The following F2 variants were observed in gnomAD, a reference collection of about 807,000 sequenced individuals.
The protein encoded by F2 is prothrombin.
F2 carries 34 observed loss-of-function variants against 81.9 expected under a neutral mutation model. That is an observed-to-expected ratio of 0.42 (90% confidence interval 0.32 to 0.55). The LOEUF (loss-of-function observed/expected upper bound fraction) is 0.55. Ranked by LOEUF, F2 falls within the 20% of genes least tolerant of loss-of-function variation. F2 has a pLI of 0.18. For missense variants in F2, 630 were observed against 833.4 expected, an observed-to-expected ratio of 0.76 and a Z score of 3.00; for synonymous variants, 296 against 326.4, an observed-to-expected ratio of 0.91 and a Z score of 1.01.
intron 9 of F2, among the ~76,000 whole-genome samples, 195 bp from the exon 10 acceptor site, chr11:46,727,801 A>T (rs1449225545): frequency 6.6e-5 from 10 of 152,002 alleles, no homozygotes; most frequent in Non-Finnish European, 1.5e-5. Context: ...ATAAATAAAT[A>T]AAAAAGTGTG....
Position 46,728,067 on chromosome 11 carries a change from T to C in F2, c.1202T>C (p.Val401Ala). ...CGASLISDRW[V>A]LTAAHCLLYP... ...GCCAGCCTCATCAGTGACCGCTGGG[T>C]CCTCACCGCCGCCCACTGCCTCCTG... Residue 401 changes from valine to alanine, a missense_variant, in exon 10 of 14, where the codon GTC becomes GCC. Coordinates refer to ENST00000311907, the MANE Select transcript of F2 (RefSeq NM_000506.5). This position sits in a 1 kb window ranked among gnomAD's most constrained non-coding sequence, Gnocchi z 5.1. The C allele has an allele frequency of 6.2e-7, 1 of 1,610,522 alleles. No homozygotes were observed. Among genetic ancestry groups the C allele is most frequent in the South Asian group, 1.1e-5 (1 of 89,906 alleles).
chr11:46,719,969 A>G lies in F2; in HGVS notation c.240+107A>G. On this transcript the variant is annotated intron_variant, in intron 2 of 13. Transcript: ENST00000311907. The surrounding 1 kb of genome is among the most constrained non-coding windows in gnomAD (Gnocchi z 4.7). ...ACGCCACAGCCCCTTCGCTGCTCAC[A>G]GCCTCATTTCAACTCTGAGCCCCTC... 1 of 1,438,980 alleles carries G rather than the reference A, an allele frequency of 6.9e-7. No individual in the cohort carries two copies. Among genetic ancestry groups the G allele is most frequent in the Non-Finnish European group, 9.4e-7 (1 of 1,061,448 alleles). The allele number at this position is 1,438,980 out of a possible 1,614,324, so 89.1% of individuals were successfully genotyped here. A position where few individuals can be genotyped will look rare whatever the true frequency, so the allele number is the denominator to read the frequency against.
rs995509370 is a variant in F2 at position 46,726,512 on chromosome 11, G to T, written c.889G>T (p.Glu297Ter). 11 of 1,613,958 alleles carry T rather than the reference G, an allele frequency of 6.8e-6. No individual in the cohort carries two copies. Among genetic ancestry groups the T allele is most frequent in the Non-Finnish European group, 7.6e-6 (9 of 1,179,886 alleles). ...GGTCCCAACAGAGGAGGCCGTGGAG[G>T]AGGAGACAGGAGATGGGCTGGATGA... ...DLNYCEEAVE[E>*]ETGDGLDEDS... The change falls in exon 8 of 14, where the codon GAG becomes TAG. Residue 297 changes from glutamate to a stop codon, truncating the protein, a stop_gained. Coordinates refer to ENST00000311907, the MANE Select transcript of F2 (RefSeq NM_000506.5). LOFTEE classifies it high-confidence loss of function. The surrounding 1 kb of genome is among the most constrained non-coding windows in gnomAD (Gnocchi z 5.9).
In F2 at chr11:46,719,239, G is replaced by A. The variant is rs1195889853; in HGVS notation, c.4G>A (p.Ala2Thr). Residue 2 changes from alanine (A) to threonine (T), a missense_variant, in exon 1 of 14, where the codon GCG becomes ACG. Physicochemically the swap from Ala to Thr is moderately conservative, Grantham distance 58 (BLOSUM62 0). Transcript: ENST00000311907. This position sits in a 1 kb window ranked among gnomAD's most constrained non-coding sequence, Gnocchi z 4.7. M[A>T]HVRGLQLPGC... is the part of the protein sequence containing the mutation. Reference sequence around the variant, plus strand: ...GTGACCCAGGAGCTGACACACTATGGCGCACGTCCGAGGCTTGCAGCTGCC... The same window carrying A: ...GTGACCCAGGAGCTGACACACTATGACGCACGTCCGAGGCTTGCAGCTGCC... The A allele has an allele frequency of 1.9e-6, 3 of 1,613,850 alleles. No individual in the cohort carries two copies. Among genetic ancestry groups the A allele is most frequent in the Non-Finnish European group, 1.7e-6 (2 of 1,180,030 alleles).
Position 46,726,304 on chromosome 11 carries a change from G to A in F2, c.874+131G>A. 7.0e-7 allele frequency: 1 copy of A among 1,433,722 alleles called. No individual in the cohort carries two copies. The highest frequency in any genetic ancestry group is 9.5e-7 in the Non-Finnish European group (1 of 1,052,500). The allele number at this position is 1,433,722 out of a possible 1,614,324, so 88.8% of individuals were successfully genotyped here. A position where few individuals can be genotyped will look rare whatever the true frequency, so the allele number is the denominator to read the frequency against. On this transcript the variant is annotated intron_variant, in intron 7 of 13. Transcript: ENST00000311907. The surrounding 1 kb of genome is among the most constrained non-coding windows in gnomAD (Gnocchi z 5.9). ...ACAGCCTTACAGTAACCAGGTGGGG[G>A]GTAAGGTCCTGTGCCCATTTCACAG... is the stretch of plus-strand genomic sequence containing the variant.
At chr11:46,725,732 C>A in intron 6 of F2, 127 bp from the exon 7 acceptor site, 1 of 1,086,130 alleles carries the variant, frequency 9.2e-7, no homozygotes, top group Non-Finnish European at 1.4e-6. Flanking sequence ...GGTCAGAAGC[C>A]CAGAGAGGTT....
In F2 at chr11:46,728,839, TGG is replaced by T. The variant is rs1592415022; in HGVS notation, c.1472+4_1472+5del. 1 of 1,613,608 alleles carries T rather than the reference TGG, an allele frequency of 6.2e-7. No homozygotes were observed. Among genetic ancestry groups the T allele is most frequent in the Middle Eastern group, 1.7e-4 (1 of 5,782 alleles). On this transcript the variant is annotated splice_donor_region_variant and intron_variant, in intron 11 of 13. Transcript: ENST00000311907. The surrounding 1 kb of genome is among the most constrained non-coding windows in gnomAD (Gnocchi z 5.1). ...GCCCGACAGGGAGACGGCAGCCAGG[TGG>T]GCCACCAGATGCTTGTTAGCTGAGG...
chr11:46,729,972 A>G (rs1452157740), intron 12 of F2, among the ~76,000 whole-genome samples: 1 of 152,102 alleles, frequency 6.6e-6, no homozygotes, highest in Non-Finnish European at 1.5e-5. Context: ...AAACAGATCT[A>G]AAACAGCAAT....
At position 46,723,061 on chromosome 11, in the gene F2, G is replaced by T; in HGVS notation, c.317-119G>T. 1.2e-6 allele frequency: 1 copy of T among 850,870 alleles called. No individual in the cohort carries two copies. The allele number at this position is 850,870 out of a possible 1,614,324, so 52.7% of individuals were successfully genotyped here. On this transcript the variant is annotated intron_variant, in intron 4 of 13. Coordinates refer to ENST00000311907, the MANE Select transcript of F2 (RefSeq NM_000506.5). This position sits in a 1 kb window ranked among gnomAD's most constrained non-coding sequence, Gnocchi z 5.6. ...GGTTGCAGAGGAAGAGGGGCTGGGT[G>T]AATGCAGGTTCAGGATTGTGGACCT...
chr11:46,737,604 C>T (rs1206189554), intron 12 of F2, among the ~76,000 whole-genome samples: 3 of 150,296 alleles, frequency 2.0e-5, no homozygotes, highest in African/African-American at 7.4e-5. Flanking sequence ...CCACGCCCAG[C>T]TAATTTTTTG....
chr11:46,732,981 C>T (rs1321269076), intron 12 of F2, among the ~76,000 whole-genome samples: 2 of 152,158 alleles, frequency 1.3e-5, no homozygotes, highest in Non-Finnish European at 2.9e-5. Flanking sequence ...GATGTCATTA[C>T]TTCTAGGCTC....
In F2 at chr11:46,720,528, G is replaced by C. The variant is rs569264167; in HGVS notation, c.246G>C (p.Val82=). The part of the protein sequence containing the change: ...EALESSTATD[V]FWAKYTACET... ...TCCCAGCCCTTGTTTTTCAGGATGT[G>C]TTCTGGGCCAAGTACACAGGTGAGC... Residue 82 remains valine, a synonymous_variant, in exon 3 of 14, where the codon GTG becomes GTC. Coordinates refer to ENST00000311907, the MANE Select transcript of F2 (RefSeq NM_000506.5). 1.2e-6 allele frequency: 2 copies of C among 1,614,158 alleles called. No homozygotes were observed. The highest frequency in any genetic ancestry group is 4.5e-5 in the East Asian group (2 of 44,874).
Position 46,730,094 on chromosome 11 carries a change from GT to G in F2, c.1654+535del, listed in dbSNP as rs199919106. The stretch of plus-strand genomic sequence containing the variant: ...GTGGGCAGATCACTTGAGGTCAGGA[GT>G]TCAAGACCAGCCTGGCCAACATGGT... On this transcript the variant is annotated intron_variant, in intron 12 of 13. Coordinates refer to ENST00000311907, the MANE Select transcript of F2 (RefSeq NM_000506.5). Among the ~76,000 whole-genome samples the G allele has an allele frequency of 4.7e-3, 715 of 152,264 alleles. 7 individuals carry two copies. Among genetic ancestry groups the G allele is most frequent in the African/African-American group, 0.017 (687 of 41,540 alleles).
chr11:46,733,833 G>A (rs900788106), intron 12 of F2, among the ~76,000 whole-genome samples: 2 of 125,344 alleles, frequency 1.6e-5, no homozygotes, highest in South Asian at 4.9e-4. Flanking sequence ...CTGTCACCTA[G>A]GCTGGAGTGC....
Position 46,719,955 on chromosome 11 carries a change from C to T in F2, c.240+93C>T. 6.8e-7 allele frequency: 1 copy of T among 1,473,644 alleles called. No individual in the cohort carries two copies. Among genetic ancestry groups the T allele is most frequent in the Admixed American group, 2.0e-5 (1 of 50,786 alleles). The allele number at this position is 1,473,644 out of a possible 1,614,324, so 91.3% of individuals were successfully genotyped here. ...GAAGCAAGCGAGGAACGCCACAGCC[C>T]CTTCGCTGCTCACAGCCTCATTTCA... On this transcript the variant is annotated intron_variant, in intron 2 of 13. Transcript: ENST00000311907. This position sits in a 1 kb window ranked among gnomAD's most constrained non-coding sequence, Gnocchi z 4.7.
rs2134531857 is a variant in F2 at position 46,726,061 on chromosome 11, T to C, written c.762T>C (p.Ala254=). ...GCAAGCACCAGGACTTCAACTCAGC[T>C]GTGCAGCTGGTGGAGAACTTCTGCC... ...ALSKHQDFNS[A]VQLVENFCRN... The change falls in exon 7 of 14, where the codon GCT becomes GCC. Residue 254 remains alanine (A), a synonymous_variant. Coordinates refer to ENST00000311907, the MANE Select transcript of F2 (RefSeq NM_000506.5). The surrounding 1 kb of genome is among the most constrained non-coding windows in gnomAD (Gnocchi z 5.9). 1.2e-6 allele frequency: 2 copies of C among 1,614,194 alleles called. No individual in the cohort carries two copies. Among genetic ancestry groups the C allele is most frequent in the Non-Finnish European group, 1.7e-6 (2 of 1,180,032 alleles).
chr11:46,728,592 A>AG lies in F2; in HGVS notation c.1299-69dup. Reference sequence around the variant, plus strand: ...AGGACACACTGTCTCCCAGACCCCAAGGGCAGGCAGTTTCCTGCTCCTTGC... The same window carrying AG: ...AGGACACACTGTCTCCCAGACCCCAAGGGGCAGGCAGTTTCCTGCTCCTTGC... On this transcript the variant is annotated intron_variant, in intron 10 of 13. Transcript: ENST00000311907. This position sits in a 1 kb window ranked among gnomAD's most constrained non-coding sequence, Gnocchi z 5.1. 1.9e-6 allele frequency: 3 copies of AG among 1,571,532 alleles called. No homozygotes were observed. The highest frequency in any genetic ancestry group is 2.6e-6 in the Non-Finnish European group (3 of 1,144,024).
In F2 at chr11:46,723,479, C is replaced by T. The variant is rs1352309842; in HGVS notation, c.520C>T (p.Pro174Ser). The T allele has an allele frequency of 3.1e-6, 5 of 1,614,090 alleles. No homozygotes were observed. The highest frequency in any genetic ancestry group is 1.7e-5 in the Admixed American group (1 of 60,014). ...TTGPWCYTTD[P>S]TVRRQECSIP... Reference sequence around the variant, plus strand: ...GGGACCCTGGTGCTACACTACAGACCCCACCGTGAGGAGGCAGGAATGCAG... The same window carrying T: ...GGGACCCTGGTGCTACACTACAGACTCCACCGTGAGGAGGCAGGAATGCAG... Residue 174 changes from proline to serine, a missense_variant, in exon 6 of 14, where the codon CCC becomes TCC. Coordinates refer to ENST00000311907, the MANE Select transcript of F2 (RefSeq NM_000506.5). The surrounding 1 kb of genome is among the most constrained non-coding windows in gnomAD (Gnocchi z 5.6).
intron 4 of F2, among the ~76,000 whole-genome samples, chr11:46,722,956 GA>G (rs1813567821): frequency 6.6e-6 from 1 of 152,246 alleles, no homozygotes; most frequent in African/African-American, 2.4e-5. Context: ...GATGTGTACT[GA>G]GCACCCGACA....
Sources: gnomAD v4.1 joint callset for allele counts (sites outside exome capture counted in the v4.1 genomes callset) on GRCh38, gnomAD v4.1.1 for gene constraint, Gnocchi (gnomAD v3.1) non-coding constraint, MANE v1.5 for transcripts, NCBI Gene and HGNC (gene_info 2026-07-23, HGNC 2026-07-21) for gene names.